The following EPB41L2 variants were observed in gnomAD, a reference collection of about 807,000 sequenced individuals.
EPB41L2 encodes the protein erythrocyte membrane protein band 4.1 like 2, also known as band 4.1-like protein 2.
EPB41L2 carries 43 observed loss-of-function variants against 113.0 expected under a neutral mutation model. The ratio of observed to expected loss-of-function variants is 0.38; its 90% CI spans 0.30 to 0.49. EPB41L2 has a LOEUF of 0.49. Among genes scored for constraint, EPB41L2 ranks in the 20% least tolerant of loss-of-function variants. EPB41L2 has a pLI of 0.95. For synonymous variants in EPB41L2, 442 were observed against 436.7 expected (o/e 1.01, Z -0.15); for missense variants, 1,147 against 1,223.4 (o/e 0.94, Z 0.93).
intron 1 of EPB41L2, among the ~76,000 whole-genome samples, chr6:131,006,141 C>T (rs1368864573): frequency 6.6e-6 from 1 of 152,018 alleles, no homozygotes; most frequent in Admixed American, 6.5e-5. Context: ...ACTGCAACCT[C>T]TGCCTCCCAG....
chr6:130,850,856 A>T (rs1778588989), intron 19 of EPB41L2, among the ~76,000 whole-genome samples: 1 of 152,130 alleles, frequency 6.6e-6, no homozygotes, highest in Non-Finnish European at 1.5e-5. Context: ...GTGTGGGGGG[A>T]GTTCAAATAG....
chr6:130,949,482 A>G (rs1814072007), intron 3 of EPB41L2, among the ~76,000 whole-genome samples: 1 of 152,118 alleles, frequency 6.6e-6, no homozygotes, highest in Non-Finnish European at 1.5e-5. Context: ...ATATATCTGT[A>G]GCCCCATATA....
At chr6:130,853,966 G>T (rs1404074093) in intron 19 of EPB41L2, among the ~76,000 whole-genome samples, 2 of 152,218 alleles carry the variant, frequency 1.3e-5, no homozygotes, top group African/African-American at 4.8e-5. Flanking sequence ...ACCAGCAAAG[G>T]AAATTTTTTA....
intron 4 of EPB41L2, among the ~76,000 whole-genome samples, chr6:130,911,329 T>C (rs7763584): frequency 0.43 from 64,709 of 151,708 alleles, 16,257 homozygotes; most frequent in Non-Finnish European, 0.54. Flanking sequence ...TGAGAACACA[T>C]GGACACGGAG....
At chr6:130,849,436 G>C (rs1778107657) in intron 19 of EPB41L2, among the ~76,000 whole-genome samples, 1 of 152,120 alleles carries the variant, frequency 6.6e-6, no homozygotes, top group African/African-American at 2.4e-5. Context: ...GGAAAATGTA[G>C]CATTTGTGAC....
chr6:130,943,844 C>A (rs1451461912), intron 3 of EPB41L2, among the ~76,000 whole-genome samples: 1 of 152,036 alleles, frequency 6.6e-6, no homozygotes, highest in African/African-American at 2.4e-5. Context: ...CCAGCCTACG[C>A]CCAGCCAGCA....
At chr6:130,993,421 G>C (rs1375442567) in intron 1 of EPB41L2, among the ~76,000 whole-genome samples, 1 of 152,200 alleles carries the variant, frequency 6.6e-6, no homozygotes, top group African/African-American at 2.4e-5. Flanking sequence ...CAAACCCTGA[G>C]AGCGTGCCAA....
chr6:130,903,583 C>T (rs1429427407), intron 6 of EPB41L2, among the ~76,000 whole-genome samples: 1 of 152,068 alleles, frequency 6.6e-6, no homozygotes, highest in African/African-American at 2.4e-5. Context: ...TTTTGCTAAG[C>T]CCCTCTAGTT....
At chr6:130,896,809 C>A (rs909733683) in intron 8 of EPB41L2, among the ~76,000 whole-genome samples, 3 of 152,146 alleles carry the variant, frequency 2.0e-5, no homozygotes, top group African/African-American at 7.2e-5. Context: ...GCATTGCTCA[C>A]TGCTCCATGG....
intron 1 of EPB41L2, among the ~76,000 whole-genome samples, chr6:131,024,127 G>T (rs1355038575): frequency 6.6e-5 from 10 of 152,128 alleles, no homozygotes; most frequent in Admixed American, 6.5e-4. Flanking sequence ...TGCTGTAAGG[G>T]TGAGGGCAGG....
intron 4 of EPB41L2, among the ~76,000 whole-genome samples, chr6:130,915,491 T>C (rs1021970582): frequency 5.9e-5 from 9 of 152,210 alleles, no homozygotes; most frequent in Non-Finnish European, 1.3e-4. Flanking sequence ...CTTTGTCACC[T>C]GCAGAAATCA....
chr6:130,846,450 C>T (rs1777067873), intron 19 of EPB41L2, among the ~76,000 whole-genome samples: 1 of 152,174 alleles, frequency 6.6e-6, no homozygotes, highest in Admixed American at 6.5e-5. Flanking sequence ...TGCTTATGTC[C>T]AATCTGCTAT....
At chr6:130,985,385 G>A (rs1780306876) in intron 1 of EPB41L2, among the ~76,000 whole-genome samples, 1 of 152,100 alleles carries the variant, frequency 6.6e-6, no homozygotes, top group African/African-American at 2.4e-5. Flanking sequence ...AAAACTCCCT[G>A]CCTAGCTCAC....
At position 130,978,297 on chromosome 6, in the gene EPB41L2, T is replaced by C. The variant is rs562871252; in HGVS notation, c.-14-21798A>G. On this transcript the variant is annotated intron_variant, in intron 1 of 19. Coordinates refer to ENST00000337057, the MANE Select transcript of EPB41L2 (RefSeq NM_001431.4). ...GCCCAGCTACAAACCCAGAGTGTGG[T>C]GGGGAGGTACAGCCCCAATCTGGGG... is the stretch of plus-strand genomic sequence containing the variant. Among the ~76,000 whole-genome samples the C allele has an allele frequency of 3.9e-5, 6 of 152,352 alleles. No homozygotes were observed. In the South Asian group the frequency reaches 8.3e-4, roughly 21 times the overall value.
chr6:130,924,386 T>C (rs1436028084), intron 4 of EPB41L2, among the ~76,000 whole-genome samples: 1 of 150,360 alleles, frequency 6.7e-6, no homozygotes, highest in African/African-American at 2.4e-5. Context: ...ATGGAGTTCT[T>C]TTTTTTTTTG....
intron 3 of EPB41L2, among the ~76,000 whole-genome samples, chr6:130,949,183 TA>T (rs144335310): frequency 0.018 from 2,677 of 152,234 alleles, 32 homozygotes; most frequent in Admixed American, 0.031. Flanking sequence ...CGCTGTAACA[TA>T]AAACTGGAAA....
chr6:131,023,197 G>T (rs543108929), intron 1 of EPB41L2, among the ~76,000 whole-genome samples: 2 of 152,080 alleles, frequency 1.3e-5, no homozygotes, highest in South Asian at 2.1e-4. Context: ...ATGTGTATGT[G>T]ACTACTATGT....
At chr6:130,891,445 TTA>T (rs1403052817) in intron 10 of EPB41L2, among the ~76,000 whole-genome samples, 4 of 151,870 alleles carry the variant, frequency 2.6e-5, no homozygotes, top group Non-Finnish European at 5.9e-5. Context: ...ACTTACTTAC[TTA>T]CTTACTTATT....
chr6:130,872,155 G>T (rs1785921688), intron 14 of EPB41L2, among the ~76,000 whole-genome samples: 1 of 151,546 alleles, frequency 6.6e-6, no homozygotes, highest in Non-Finnish European at 1.5e-5. Flanking sequence ...AATTTAGGCA[G>T]ATTTTTTTTT....
Sources: gnomAD v4.1 joint callset for allele counts (sites outside exome capture counted in the v4.1 genomes callset) on GRCh38, gnomAD v4.1.1 for gene constraint, MANE v1.5 for transcripts, NCBI Gene and HGNC (gene_info 2026-07-23, HGNC 2026-07-21) for gene names.